Variants in ZNF100 observed in about 807,000 individuals in gnomAD.
The protein encoded by ZNF100 is zinc finger protein 100 (Y1).
In ZNF100, 12 loss-of-function variants were observed where a neutral mutation model predicts 15.8. The observed-to-expected ratio is 0.76, with a 90% CI of 0.49 to 1.23. The LOEUF (loss-of-function observed/expected upper bound fraction) is 1.23. Among genes scored for constraint, ZNF100 ranks in the 50% most tolerant of loss-of-function variants. ZNF100 has a pLI of 0.00. For synonymous variants in ZNF100, 226 were observed against 214.8 expected (o/e 1.05, Z -0.45); for missense variants, 670 against 635.6 (o/e 1.05, Z -0.58).
intron 2 of ZNF100, among the ~76,000 whole-genome samples, chr19:21,758,752 T>C (rs144161261): frequency 1.3e-5 from 2 of 152,146 alleles, no homozygotes; most frequent in African/African-American, 2.4e-5. Flanking sequence ...GTGGGTATGT[T>C]TGTGAGTGGA....
In ZNF100 at chr19:21,727,797, G is replaced by C. The variant is rs777816432; in HGVS notation, c.515C>G (p.Thr172Ser). 4 of 1,613,486 alleles carry C rather than the reference G, an allele frequency of 2.5e-6. No homozygotes were observed. In the South Asian group the frequency reaches 4.4e-5, roughly 18 times the overall value. Residue 172 changes from threonine (T) to serine (S), a missense_variant, in exon 5 of 5, where the codon ACC (threonine) becomes AGC (serine). By Grantham distance (58) the Thr-to-Ser change is moderately conservative. Coordinates refer to ENST00000358296, the MANE Select transcript of ZNF100 (RefSeq NM_173531.4). ...DNKLNQCLITTQSNIFQCDPS... is the reference protein window; with the variant it reads ...DNKLNQCLITSQSNIFQCDPS... ...ATCACATTGAAATATGTTGCTCTGG[G>C]TAGTTATCAAACACTGGTTTAATTT...
At chr19:21,737,770 T>A (rs1248397710) in intron 4 of ZNF100, among the ~76,000 whole-genome samples, 1 of 152,078 alleles carries the variant, frequency 6.6e-6, no homozygotes, top group African/African-American at 2.4e-5. Flanking sequence ...CAGGACCAGA[T>A]GGATTTACAG....
chr19:21,728,024 A>G, intron 4 of ZNF100, 35 bp from the exon 5 acceptor site: 1 of 1,453,270 alleles, frequency 6.9e-7, no homozygotes, highest in Non-Finnish European at 9.1e-7. Flanking sequence ...TACTTTACTT[A>G]CTAGACACAG....
rs184692177 is a variant in ZNF100, at chr19:21,734,640, A to G, written c.323-6651T>C. On this transcript the variant is annotated intron_variant, in intron 4 of 4. Transcript: ENST00000358296. ...ACCAAGTTGGAAAACATACTTCAGGATATCATCGAGAAAAACTTTTCCAAC... is the reference window on the plus strand; with the variant it reads ...ACCAAGTTGGAAAACATACTTCAGGGTATCATCGAGAAAAACTTTTCCAAC... Among the ~76,000 whole-genome samples the G allele has an allele frequency of 1.8e-4, 28 of 152,340 alleles. No individual in the cohort carries two copies. In the East Asian group the frequency reaches 5.2e-3, roughly 28 times the overall value.
At position 21,727,314 on chromosome 19, in the gene ZNF100, G is replaced by GT. The variant is rs750135489; in HGVS notation, c.997dup (p.Thr333AsnfsTer16). ...TCCAGTATGAATTATCCTGTGTGTA[G>GT]TAAGGTGTGAGGACCGGTTAAAAGC... On this transcript the variant is annotated frameshift_variant, in exon 5 of 5. Coordinates refer to ENST00000358296, the MANE Select transcript of ZNF100 (RefSeq NM_173531.4). LOFTEE classifies it low-confidence loss of function (END_TRUNC). 1.9e-6 allele frequency: 3 copies of GT among 1,612,968 alleles called. No homozygotes were observed. The highest frequency in any genetic ancestry group is 3.3e-5 in the Admixed American group (2 of 60,004).
At chr19:21,757,299 A>T (rs992399271) in intron 2 of ZNF100, among the ~76,000 whole-genome samples, 62 of 152,240 alleles carry the variant, frequency 4.1e-4, no homozygotes, top group African/African-American at 1.5e-3. Context: ...TTATCAGGGC[A>T]TGGTGGTGCA....
chr19:21,750,739 G>A (rs2036290826), intron 2 of ZNF100: 4 of 318,086 alleles, frequency 1.3e-5, no homozygotes, highest in Non-Finnish European at 2.3e-5. Flanking sequence ...CTGCTTGCGC[G>A]GGTGCAGCCT....
chr19:21,766,951 G>T (rs2036573333), intron 1 of ZNF100, among the ~76,000 whole-genome samples: 1 of 152,044 alleles, frequency 6.6e-6, no homozygotes. Flanking sequence ...GGGAGATCGC[G>T]CCACTAAACC....
rs1211753760 is a variant in ZNF100 at position 21,727,704 on chromosome 19, T to G, written c.608A>C (p.Lys203Thr). 3.1e-6 allele frequency: 5 copies of G among 1,613,470 alleles called. No homozygotes were observed. The highest frequency in any genetic ancestry group is 3.4e-6 in the Non-Finnish European group (4 of 1,179,794). Residue 203 changes from lysine (K) to threonine (T), a missense_variant, in exon 5 of 5, where the codon AAA becomes ACA. Coordinates refer to ENST00000358296, the MANE Select transcript of ZNF100 (RefSeq NM_173531.4). ...NRHKIRHTRK[K>T]PFKCKKCEKS... The stretch of plus-strand genomic sequence containing the variant: ...TTCACATTTTTTACATTTGAAAGGT[T>G]TCTTTCTAGTATGTCTTATCTTATG...
In ZNF100 at chr19:21,728,892, G is replaced by T. The variant is rs149917988; in HGVS notation, c.323-903C>A. On this transcript the variant is annotated intron_variant, in intron 4 of 4. Transcript: ENST00000358296. ...GAAGACAGAGAACTATAGAAAATCA[G>T]AAAAATGAAGATAAGAACATAAATA... 2.0e-3 allele frequency among the ~76,000 whole-genome samples: 307 copies of T among 151,620 alleles called. 3 individuals carry two copies. Among genetic ancestry groups the T allele is most frequent in the African/African-American group, 7.1e-3 (296 of 41,404 alleles).
rs1368877420 is a variant in ZNF100, at chr19:21,722,931, CAAAG to C, written c.*3748_*3751del. 6.6e-6 allele frequency: 1 copy of C among 150,920 alleles called. No homozygotes were observed. Among genetic ancestry groups the C allele is most frequent in the Non-Finnish European group, 1.5e-5 (1 of 67,768 alleles). 9.3% of individuals were successfully genotyped at this position (150,920 alleles called of 1,614,324 possible). A position where few individuals can be genotyped will look rare whatever the true frequency, so the allele number is the denominator to read the frequency against. On this transcript the variant is annotated 3_prime_UTR_variant, in exon 5 of 5. Transcript: ENST00000358296. Reference sequence around the variant, plus strand: ...TTTAAGAATCTAATTTTTTTTTTAACAAAGAACAACTATTCTGATTTAATCTTCT... The same window carrying C: ...TTTAAGAATCTAATTTTTTTTTTAACAACAACTATTCTGATTTAATCTTCT...
Position 21,727,616 on chromosome 19 carries a change from G to A in ZNF100, c.696C>T (p.Ser232=). 1 of 1,612,206 alleles carries A rather than the reference G, an allele frequency of 6.2e-7. No homozygotes were observed. The highest frequency in any genetic ancestry group is 8.5e-7 in the Non-Finnish European group (1 of 1,179,260). Residue 232 remains serine (S), a synonymous_variant, in exon 5 of 5, where the codon TCC becomes TCT. Coordinates refer to ENST00000358296, the MANE Select transcript of ZNF100 (RefSeq NM_173531.4). ...QHKRFHITEN[S]YQCKDCGKAF... ...CTTTGCCACAATCTTTACATTGGTA[G>A]GAATTCTCTGTAATATGAAATCTTT...
At position 21,727,215 on chromosome 19, in the gene ZNF100, G is replaced by C; in HGVS notation, c.1097C>G (p.Thr366Ser). ...TTTGTAAGGTTTCTCTCCAGCATGA[G>C]TTATCTTATGTGTAGTAAGGGTTGA... The part of the protein sequence containing the change: ...QSSTLTTHKI[T>S]HAGEKPYKCE... The change falls in exon 5 of 5, where the codon ACT becomes AGT. Residue 366 changes from threonine (T) to serine (S), a missense_variant. By Grantham distance (58) the Thr-to-Ser change is moderately conservative. Coordinates refer to ENST00000358296, the MANE Select transcript of ZNF100 (RefSeq NM_173531.4). 1 of 1,609,468 alleles carries C rather than the reference G, an allele frequency of 6.2e-7. No individual in the cohort carries two copies. The highest frequency in any genetic ancestry group is 8.5e-7 in the Non-Finnish European group (1 of 1,178,710).
rs1049556492 is a variant in ZNF100, at chr19:21,725,950, T to C, written c.*733A>G. On this transcript the variant is annotated 3_prime_UTR_variant, in exon 5 of 5. Coordinates refer to ENST00000358296, the MANE Select transcript of ZNF100 (RefSeq NM_173531.4). ...TTAGTATGAACTCTCTGGTGTTTTC[T>C]AAGCTGTAGTTTTTGAAAAAGTATT... The C allele has an allele frequency of 1.3e-5, 2 of 152,058 alleles. No individual in the cohort carries two copies. Among genetic ancestry groups the C allele is most frequent in the African/African-American group, 2.4e-5 (1 of 41,448 alleles). 9.4% of individuals were successfully genotyped at this position (152,058 alleles called of 1,614,324 possible).
Position 21,765,697 on chromosome 19 carries a change from T to G in ZNF100, c.93A>C (p.Glu31Asp), listed in dbSNP as rs952805288. The G allele has an allele frequency of 2.5e-6, 4 of 1,613,956 alleles. No homozygotes were observed. In the South Asian group the frequency reaches 3.3e-5, roughly 13 times the overall value. The change falls in exon 2 of 5, where the codon GAA (glutamate) becomes GAC (aspartate). Residue 31 changes from glutamate to aspartate, a missense_variant. Glu to Asp is a conservative substitution (Grantham distance 45, BLOSUM62 2). Transcript: ENST00000358296. ...ERSLLVQSYF[E>D]KGPLTFRDVA... is the part of the protein sequence containing the mutation. The stretch of plus-strand genomic sequence containing the variant: ...TTTTAATGTCTCAAGGGGTTACCTT[T>G]TCAAAATAAGACTGCACCAGAAGAC...
intron 4 of ZNF100, among the ~76,000 whole-genome samples, chr19:21,733,467 G>A (rs2035955150): frequency 6.6e-6 from 1 of 151,956 alleles, no homozygotes; most frequent in African/African-American, 2.4e-5. Flanking sequence ...TGGAAAGTAT[G>A]CAAAACAAAA....
At chr19:21,738,724 C>T (rs1210856114) in intron 4 of ZNF100, among the ~76,000 whole-genome samples, 1 of 151,848 alleles carries the variant, frequency 6.6e-6, no homozygotes, top group African/African-American at 2.4e-5. Flanking sequence ...TTTGGGAGGT[C>T]GATGAGGTCA....
chr19:21,749,839 C>T (rs1212988885), intron 2 of ZNF100, among the ~76,000 whole-genome samples: 2 of 152,184 alleles, frequency 1.3e-5, no homozygotes, highest in African/African-American at 4.8e-5. Flanking sequence ...CAGAAAATGC[C>T]TTCTGTTGGT....
At chr19:21,733,779 A>T (rs1348204881) in intron 4 of ZNF100, among the ~76,000 whole-genome samples, 1 of 152,256 alleles carries the variant, frequency 6.6e-6, no homozygotes, top group Non-Finnish European at 1.5e-5. Flanking sequence ...ACCAACAGGC[A>T]TTGTAAGACA....
Sources: allele counts gnomAD v4.1 joint callset (sites outside exome capture counted in the v4.1 genomes callset), GRCh38; gene constraint gnomAD v4.1.1; transcripts MANE v1.5; gene names NCBI Gene and HGNC (gene_info 2026-07-23, HGNC 2026-07-21).